Variants in STAU2 observed in about 807,000 individuals in gnomAD.
STAU2 encodes staufen double-stranded RNA binding protein 2.
Under a neutral mutation model 65.9 loss-of-function variants are expected in STAU2, and 20 were observed. The observed-to-expected ratio is 0.30, with a 90% CI of 0.21 to 0.44. The LOEUF is 0.44. STAU2 is among the 20% of genes least tolerant of loss of function. The probability of loss-of-function intolerance (pLI) is 1.00; values close to 1 mark genes in which losing one functional copy is unlikely to be tolerated. For synonymous variants in STAU2, 232 were observed against 233.9 expected, an observed-to-expected ratio of 0.99 and a Z score of 0.07; for missense variants, 558 against 683.9, an observed-to-expected ratio of 0.82 and a Z score of 2.05.
chr8:73,542,478 T>G (rs377127704), intron 13 of STAU2, among the ~76,000 whole-genome samples: 1 of 152,116 alleles, frequency 6.6e-6, no homozygotes, highest in Admixed American at 6.5e-5. Context: ...GGGGGAAAAC[T>G]GAAAATTTTA....
At position 73,552,016 on chromosome 8, in the gene STAU2, A is replaced by G. The variant is rs1807369019; in HGVS notation, c.1526T>C (p.Phe509Ser). Residue 509 changes from phenylalanine (F) to serine (S), a missense_variant, in exon 13 of 15, where the codon TTT becomes TCT. Physicochemically the swap from Phe to Ser is radical, Grantham distance 155. Around this residue, in one of 3 missense-constraint regions of STAU2, gnomAD observed 247 missense variants for 270.1 expected, o/e 0.91. Transcript: ENST00000524300. ...QLEYLARIQG[F>S]QAALSALKQF... ...GTTTTTGCTTTTAATTCATACCTGA[A>G]AGCCTTGAATCCTTGCTAAATATTC... The G allele has an allele frequency of 6.5e-7, 1 of 1,547,504 alleles. No homozygotes were observed. The highest frequency in any genetic ancestry group is 8.7e-7 in the Non-Finnish European group (1 of 1,150,538).
chr8:73,477,488 C>T (rs546772023), intron 13 of STAU2, among the ~76,000 whole-genome samples: 1 of 152,270 alleles, frequency 6.6e-6, no homozygotes, highest in African/African-American at 2.4e-5. Context: ...GAGTCACAGT[C>T]CAGAAAGTTT....
intron 13 of STAU2, among the ~76,000 whole-genome samples, chr8:73,455,334 G>T (rs1357095578): frequency 6.6e-6 from 1 of 152,124 alleles, no homozygotes; most frequent in Non-Finnish European, 1.5e-5. Context: ...CTTGGTCTCT[G>T]GTCAAACTAC....
chr8:73,586,959 A>G (rs960050132), intron 11 of STAU2, among the ~76,000 whole-genome samples: 2 of 152,204 alleles, frequency 1.3e-5, no homozygotes, highest in African/African-American at 4.8e-5. Flanking sequence ...AAGAAATAAG[A>G]AATTTCTCAG....
At chr8:73,644,446 T>TAAA in intron 6 of STAU2, among the ~76,000 whole-genome samples, 1 of 136,496 alleles carries the variant, frequency 7.3e-6, no homozygotes, top group East Asian at 2.1e-4. Context: ...TCCTGTCTCT[T>TAAA]AAAAAAAAAA....
intron 11 of STAU2, among the ~76,000 whole-genome samples, chr8:73,592,159 T>C (rs151298241): frequency 0.023 from 3,487 of 151,330 alleles, 55 homozygotes; most frequent in Non-Finnish European, 0.033. Context: ...GAAAAATCAA[T>C]GCAACTAAAA....
chr8:73,686,495 A>G (rs1313068964), intron 5 of STAU2, among the ~76,000 whole-genome samples: 1 of 151,260 alleles, frequency 6.6e-6, no homozygotes, highest in African/African-American at 2.4e-5. Flanking sequence ...GGTTACAGTG[A>G]GCCGAGATTG....
chr8:73,482,516 G>C (rs1291540745), intron 13 of STAU2, among the ~76,000 whole-genome samples: 1 of 152,052 alleles, frequency 6.6e-6, no homozygotes, highest in Non-Finnish European at 1.5e-5. Flanking sequence ...ACTCTCATAC[G>C]AGCAGTCTAT....
intron 10 of STAU2, among the ~76,000 whole-genome samples, chr8:73,596,175 T>C (rs1811172174): frequency 1.3e-5 from 2 of 151,972 alleles, no homozygotes; most frequent in South Asian, 4.1e-4. Context: ...TATTATTTCC[T>C]AGCTGTACGA....
rs10660977 is a variant in STAU2, at chr8:73,478,305, TAAAAA to T, written c.1531-55608_1531-55604del. 3.9e-5 allele frequency among the ~76,000 whole-genome samples: 3 copies of T among 77,516 alleles called. No individual in the cohort carries two copies. In the East Asian group the frequency reaches 1.1e-3, roughly 29 times the overall value. 50.9% of individuals were successfully genotyped at this position (77,516 alleles called of 152,430 possible). A position where few individuals can be genotyped will look rare whatever the true frequency, so the allele number is the denominator to read the frequency against. ...CTAACACTAACGATAACTGATGAGC[TAAAAA>T]AAAAAAAAAAAAAAAAATCGAAAAA... On this transcript the variant is annotated intron_variant, in intron 13 of 14. Transcript: ENST00000524300.
intron 9 of STAU2, among the ~76,000 whole-genome samples, 173 bp from the exon 10 acceptor site, chr8:73,604,036 C>T (rs1811832860): frequency 6.6e-6 from 1 of 152,046 alleles, no homozygotes. Flanking sequence ...AGACCTGTAA[C>T]CAAGGCTTCT....
At chr8:73,486,611 T>TTATATATA (rs138537650) in intron 13 of STAU2, among the ~76,000 whole-genome samples, 26 of 143,646 alleles carry the variant, frequency 1.8e-4, no homozygotes, top group African/African-American at 5.9e-4. Flanking sequence ...AAAATATCCA[T>TTATATATA]TATATATATA....
intron 13 of STAU2, chr8:73,439,130 G>A (rs1052003467): frequency 4.0e-4 from 175 of 432,130 alleles, no homozygotes; most frequent in East Asian, 7.0e-5. Context: ...CTGACTCTTC[G>A]TGGGGAGAAA....
chr8:73,672,725 A>G (rs904377053), intron 6 of STAU2, among the ~76,000 whole-genome samples: 1 of 152,082 alleles, frequency 6.6e-6, no homozygotes, highest in African/African-American at 2.4e-5. Context: ...CATGTTCACT[A>G]ATGTATTTAG....
At chr8:73,537,617 T>A (rs768611380) in intron 13 of STAU2, among the ~76,000 whole-genome samples, 1 of 151,962 alleles carries the variant, frequency 6.6e-6, no homozygotes, top group Non-Finnish European at 1.5e-5. Flanking sequence ...CTAGAAAAAA[T>A]ATCCCTGAGG....
intron 11 of STAU2, among the ~76,000 whole-genome samples, chr8:73,594,294 A>G (rs1169671817): frequency 6.6e-6 from 1 of 152,242 alleles, no homozygotes; most frequent in African/African-American, 2.4e-5. Context: ...ATTGCCTAGA[A>G]AACAAAAAAG....
At chr8:73,466,198 C>T (rs1469659623) in intron 13 of STAU2, among the ~76,000 whole-genome samples, 1 of 152,204 alleles carries the variant, frequency 6.6e-6, no homozygotes, top group Non-Finnish European at 1.5e-5. Flanking sequence ...TCCTTTAAGC[C>T]AAAATACCAT....
chr8:73,706,364 G>A (rs10957687), intron 4 of STAU2, among the ~76,000 whole-genome samples: 30,987 of 151,896 alleles, frequency 0.2, 3,537 homozygotes, highest in East Asian at 0.37. Flanking sequence ...TGATCCTCCC[G>A]CCTCGGCCTC....
At chr8:73,599,020 A>T (rs1811427583) in intron 10 of STAU2, among the ~76,000 whole-genome samples, 1 of 152,248 alleles carries the variant, frequency 6.6e-6, no homozygotes, top group Non-Finnish European at 1.5e-5. Context: ...TCATGGATTG[A>T]AGACAATACT....
Sources: allele counts gnomAD v4.1 joint callset (sites outside exome capture counted in the v4.1 genomes callset), GRCh38; gene constraint gnomAD v4.1.1; regional missense constraint gnomAD v4.1.1; transcripts MANE v1.5; gene names NCBI Gene and HGNC (gene_info 2026-07-23, HGNC 2026-07-21).